Variants in IKZF1 observed in about 807,000 individuals in gnomAD.
IKZF1 encodes the protein IKAROS family zinc finger 1.
In IKZF1, 10 loss-of-function variants were observed where a neutral mutation model predicts 51.7. The observed-to-expected ratio is 0.19, with a 90% CI of 0.12 to 0.33. IKZF1 has a LOEUF of 0.33. IKZF1 is among the 10% of genes least tolerant of loss of function. IKZF1 has a pLI of 1.00. For synonymous variants in IKZF1, 280 were observed against 282.3 expected, an observed-to-expected ratio of 0.99 and a Z score of 0.08; for missense variants, 484 against 707.5, an observed-to-expected ratio of 0.68 and a Z score of 3.58.
At chr7:50,361,986 A>T (rs560882863) in intron 3 of IKZF1, among the ~76,000 whole-genome samples, 2 of 152,178 alleles carry the variant, frequency 1.3e-5, no homozygotes, top group Non-Finnish European at 2.9e-5. Flanking sequence ...CCATAGGTGT[A>T]TTAATTGGAG....
At chr7:50,316,890 A>G (rs1584422127) in intron 1 of IKZF1, among the ~76,000 whole-genome samples, 1 of 152,252 alleles carries the variant, frequency 6.6e-6, no homozygotes, top group African/African-American at 2.4e-5. Flanking sequence ...TTGAGTATGC[A>G]ACAGTAGGGC....
At chr7:50,330,081 G>A (rs945824474) in intron 3 of IKZF1, among the ~76,000 whole-genome samples, 1 of 152,136 alleles carries the variant, frequency 6.6e-6, no homozygotes, top group African/African-American at 2.4e-5. Context: ...GCTGTCTTTT[G>A]GTTCAAAGTC....
At chr7:50,369,335 G>A in intron 3 of IKZF1, 1 of 392,936 alleles carries the variant, frequency 2.5e-6, no homozygotes, top group Non-Finnish European at 4.5e-6. Context: ...CAGAGCATAT[G>A]TTGAAGCAGA....
Position 50,403,699 on chromosome 7 carries a change from A to G in IKZF1, c.*3072A>G, listed in dbSNP as rs72645705. 0.058 allele frequency: 13,243 copies of G among 229,096 alleles called. 529 individuals carry two copies. Among genetic ancestry groups the G allele is most frequent in the East Asian group, 0.17 (2,686 of 16,116 alleles). 14.2% of individuals were successfully genotyped at this position (229,096 alleles called of 1,614,324 possible). On this transcript the variant is annotated 3_prime_UTR_variant, in exon 8 of 8. Transcript: ENST00000331340. ...AGCACCAATTGCTTCACATACCAGC[A>G]TGTTCCATTTCCAATTTAGAATTAG...
intron 1 of IKZF1, among the ~76,000 whole-genome samples, chr7:50,318,824 C>T (rs780982827): frequency 5.9e-5 from 9 of 152,100 alleles, no homozygotes; most frequent in Non-Finnish European, 1.2e-4. Flanking sequence ...ATTTGGTCCT[C>T]CTGTGCTTGT....
At chr7:50,370,004 CTA>C (rs60653702) in intron 3 of IKZF1, among the ~76,000 whole-genome samples, 1 of 152,048 alleles carries the variant, frequency 6.6e-6, no homozygotes, top group Non-Finnish European at 1.5e-5. Context: ...ACAAAAATAT[CTA>C]TATATATATC....
chr7:50,396,311 A>T (rs1184058880), intron 7 of IKZF1, among the ~76,000 whole-genome samples: 1 of 152,024 alleles, frequency 6.6e-6, no homozygotes, highest in Non-Finnish European at 1.5e-5. Context: ...TCAGTAATTT[A>T]ATTTTTAGTA....
At chr7:50,342,206 A>C (rs1799210670) in intron 3 of IKZF1, among the ~76,000 whole-genome samples, 1 of 152,190 alleles carries the variant, frequency 6.6e-6, no homozygotes, top group Non-Finnish European at 1.5e-5. Context: ...GGTTTATTTT[A>C]TGTAGCTGTG....
chr7:50,335,528 G>A (rs1401840996), intron 3 of IKZF1, among the ~76,000 whole-genome samples: 1 of 143,928 alleles, frequency 6.9e-6, no homozygotes, highest in African/African-American at 2.6e-5. Context: ...GGTGTGTGGT[G>A]CATAGTGTGT....
Position 50,387,500 on chromosome 7 carries a change from G to C in IKZF1, c.715+30G>C, listed in dbSNP as rs759950935. 10 of 1,591,766 alleles carry C rather than the reference G, an allele frequency of 6.3e-6. No homozygotes were observed. The African/African-American group carries it at 1.1e-4, about 17-fold the overall frequency. ...GCGCTGCTGCTCGGAGGCCAGCCTG[G>C]TGGGCTCTCCCCCCAGCACGGTGGG... On this transcript the variant is annotated intron_variant, in intron 6 of 7. Coordinates refer to ENST00000331340, the MANE Select transcript of IKZF1 (RefSeq NM_006060.6).
Position 50,376,951 on chromosome 7 carries a change from G to A in IKZF1, c.421+158G>A. ...TGGTTCCAAGTGGTACCGAGTCATA[G>A]AGTCCTTGTTCTGGTACAGCCTTGT... is the stretch of plus-strand genomic sequence containing the variant. On this transcript the variant is annotated intron_variant, in intron 4 of 7. Coordinates refer to ENST00000331340, the MANE Select transcript of IKZF1 (RefSeq NM_006060.6). The surrounding 1 kb of genome is among the most constrained non-coding windows in gnomAD (Gnocchi z 4.5). The A allele has an allele frequency of 7.8e-7, 1 of 1,281,264 alleles. No homozygotes were observed. The highest frequency in any genetic ancestry group is 1.6e-5 in the South Asian group (1 of 63,946). 79.4% of individuals were successfully genotyped at this position (1,281,264 alleles called of 1,614,324 possible). A position where few individuals can be genotyped will look rare whatever the true frequency, so the allele number is the denominator to read the frequency against.
At chr7:50,357,449 G>A (rs1297038464) in intron 3 of IKZF1, among the ~76,000 whole-genome samples, 2 of 147,314 alleles carry the variant, frequency 1.4e-5, no homozygotes. Flanking sequence ...TCACCCTTCT[G>A]TGACTTCTCA....
At chr7:50,379,848 C>CG (rs968839130) in intron 4 of IKZF1, among the ~76,000 whole-genome samples, 18 of 152,278 alleles carry the variant, frequency 1.2e-4, no homozygotes, top group African/African-American at 4.3e-4. Context: ...GAAGACTTCC[C>CG]TTTTTACCCA....
Position 50,382,700 on chromosome 7 carries a change from G to T in IKZF1, c.582G>T (p.Thr194=), listed in dbSNP as rs762184015. 6.2e-7 allele frequency: 1 copy of T among 1,606,836 alleles called. No individual in the cohort carries two copies. The highest frequency in any genetic ancestry group is 8.5e-7 in the Non-Finnish European group (1 of 1,179,322). ...ACGCCCTCACTGGCCACCTGAGGACGCACTCCGGTAGGTCCCCTGGATGCA... is the reference window on the plus strand; with the variant it reads ...ACGCCCTCACTGGCCACCTGAGGACTCACTCCGGTAGGTCCCCTGGATGCA... ...RRDALTGHLR[T]HSVGKPHKCG... is the part of the protein sequence containing the mutation. The change falls in exon 5 of 8, where the codon ACG becomes ACT. Residue 194 remains threonine (T), a synonymous_variant. Coordinates refer to ENST00000331340, the MANE Select transcript of IKZF1 (RefSeq NM_006060.6).
chr7:50,374,571 G>T (rs78867177), intron 3 of IKZF1, among the ~76,000 whole-genome samples: 2 of 152,164 alleles, frequency 1.3e-5, no homozygotes, highest in African/African-American at 4.8e-5. Context: ...AGGTTAAATG[G>T]CAGAGTACAA....
chr7:50,386,639 A>G (rs1477119118), intron 5 of IKZF1, among the ~76,000 whole-genome samples: 2 of 152,150 alleles, frequency 1.3e-5, no homozygotes, highest in Non-Finnish European at 2.9e-5. Flanking sequence ...ACATATACAT[A>G]TAAATATACA....
At chr7:50,322,469 A>G (rs1301269989) in intron 2 of IKZF1, among the ~76,000 whole-genome samples, 1 of 152,202 alleles carries the variant, frequency 6.6e-6, no homozygotes, top group Non-Finnish European at 1.5e-5. Flanking sequence ...CCTGGTTTAC[A>G]GTGTCTCACA....
intron 7 of IKZF1, among the ~76,000 whole-genome samples, chr7:50,392,150 C>T (rs1428304392): frequency 6.6e-6 from 1 of 152,170 alleles, no homozygotes; most frequent in Non-Finnish European, 1.5e-5. Context: ...CCAGCGTGCA[C>T]AGGGTGGAGA....
chr7:50,384,254 T>C (rs1180077331), intron 5 of IKZF1, among the ~76,000 whole-genome samples: 1 of 152,206 alleles, frequency 6.6e-6, no homozygotes, highest in Non-Finnish European at 1.5e-5. Flanking sequence ...TGGCAGGTGG[T>C]CCCTGCAGTA....
Sources: gnomAD v4.1 joint callset for allele counts (sites outside exome capture counted in the v4.1 genomes callset) on GRCh38, gnomAD v4.1.1 for gene constraint, Gnocchi (gnomAD v3.1) non-coding constraint, MANE v1.5 for transcripts, NCBI Gene and HGNC (gene_info 2026-07-23, HGNC 2026-07-21) for gene names.